Variants in RS1 observed in about 807,000 individuals in gnomAD.
RS1 encodes the protein retinoschisin.
A neutral mutation model predicts 20.8 loss-of-function variants in RS1; 2 were observed. The observed-to-expected ratio is 0.10, with a 90% CI of 0.04 to 0.30. RS1 has a LOEUF of 0.30. Among genes scored for constraint, RS1 ranks in the 10% least tolerant of loss-of-function variants. The pLI, the probability that RS1 is intolerant of heterozygous loss-of-function variation, is 1.00. For missense variants in RS1, 151 were observed against 189.8 expected (o/e 0.80, Z 1.20); for synonymous variants, 70 against 75.8 (o/e 0.92, Z 0.40).
intron 4 of RS1, 22 bp downstream of exon 4, chrX:18,647,169 A>C (rs1422448055): frequency 7.5e-6 from 9 of 1,207,675 alleles, no homozygotes; most frequent in Non-Finnish European, 7.8e-6. Flanking sequence ...CACATGAAAA[A>C]AAATCCCCGG....
At chrX:18,644,952 A>G (rs988967819) in intron 4 of RS1, among the ~76,000 whole-genome samples, 5 of 112,495 alleles carry the variant, frequency 4.4e-5, no homozygotes, top group African/African-American at 9.7e-5. Context: ...ACGCAGGTGC[A>G]TGGCTGTTAG....
At chrX:18,670,153 G>A (rs1365228777) in intron 1 of RS1, among the ~76,000 whole-genome samples, 4 of 110,501 alleles carry the variant, frequency 3.6e-5, no homozygotes, top group Non-Finnish European at 7.6e-5. Flanking sequence ...CGCGGGGGTG[G>A]GGAGGTCACA....
rs1928185321 is a variant in RS1, at chrX:18,654,935, C to T, written c.184+1718G>A. Among the ~76,000 whole-genome samples the T allele has an allele frequency of 4.5e-5, 5 of 112,146 alleles. No homozygotes were observed. In the Admixed American group the frequency reaches 4.7e-4, roughly 11 times the overall value. ...CACACACAGACACACAAACCTGTCT[C>T]TTGTGAAGCTATTATTAGGCAATTG... On this transcript the variant is annotated intron_variant, in intron 3 of 5. Transcript: ENST00000379984.
chrX:18,650,288 G>A (rs1239124541), intron 3 of RS1: 26 of 628,434 alleles, frequency 4.1e-5, no homozygotes, highest in Admixed American at 4.0e-4. Context: ...CGTGGATGCT[G>A]TACTTACTCC....
At chrX:18,671,138 TGA>T (rs1489473859) in intron 1 of RS1, among the ~76,000 whole-genome samples, 1 of 112,015 alleles carries the variant, frequency 8.9e-6, no homozygotes, top group Non-Finnish European at 1.9e-5. Flanking sequence ...TCTACTTGTG[TGA>T]GTTTCGCTGT....
chrX:18,647,064 G>GTGC, intron 4 of RS1, 127 bp downstream of exon 4: 1 of 752,068 alleles, frequency 1.3e-6, no homozygotes, highest in Non-Finnish European at 2.0e-6. Flanking sequence ...TTACAGGCAC[G>GTGC]TGCCACCACG....
chrX:18,654,020 G>C (rs1448981519), intron 3 of RS1, among the ~76,000 whole-genome samples: 1 of 111,062 alleles, frequency 9.0e-6, no homozygotes, highest in Non-Finnish European at 1.9e-5. Context: ...ATAGTGGAGA[G>C]AGGAGAACAC....
At chrX:18,667,473 C>A in intron 1 of RS1, among the ~76,000 whole-genome samples, 2 of 105,533 alleles carry the variant, frequency 1.9e-5, no homozygotes, top group Non-Finnish European at 3.9e-5. Context: ...TGAACCCAGG[C>A]GGGCGGAAGG....
intron 3 of RS1, 164 bp from the exon 4 acceptor site, chrX:18,647,496 C>T: frequency 2.0e-6 from 1 of 501,819 alleles, no homozygotes; most frequent in African/African-American, 2.3e-5. Context: ...TTCAACGGTT[C>T]ACTACTCACG....
intron 3 of RS1, among the ~76,000 whole-genome samples, chrX:18,652,113 C>G (rs1928074433): frequency 9.0e-6 from 1 of 111,249 alleles, no homozygotes; most frequent in Non-Finnish European, 1.9e-5. Context: ...TCCCCATTCT[C>G]CCCCTAGCTG....
intron 2 of RS1, 83 bp downstream of exon 2, chrX:18,657,557 G>A (rs968325578): frequency 3.1e-5 from 23 of 742,284 alleles, no homozygotes; most frequent in Non-Finnish European, 3.4e-5. Context: ...AAAACAAAGT[G>A]ATAGTCCTCT....
intron 3 of RS1, among the ~76,000 whole-genome samples, chrX:18,651,644 C>T (rs993873658): frequency 1.8e-5 from 2 of 111,211 alleles, no homozygotes; most frequent in African/African-American, 3.3e-5. Context: ...CTCGCAAGCT[C>T]GTGGGGGGTT....
In RS1 at chrX:18,640,932, C is replaced by T. The variant is rs1927552582; in HGVS notation, c.*1072G>A. 8.8e-6 allele frequency: 1 copy of T among 113,095 alleles called. No individual in the cohort carries two copies. The highest frequency in any genetic ancestry group is 1.9e-5 in the Non-Finnish European group (1 of 53,356). 9.3% of individuals were successfully genotyped at this position (113,095 alleles called of 1,213,427 possible). A position where few individuals can be genotyped will look rare whatever the true frequency, so the allele number is the denominator to read the frequency against. ...GCCTCCAGGAACGGAAAGCCAGGCC[C>T]ATTCCTTCCCAGAGAGCTTTTCAGG... On this transcript the variant is annotated 3_prime_UTR_variant, in exon 6 of 6. Coordinates refer to ENST00000379984, the MANE Select transcript of RS1 (RefSeq NM_000330.4).
Position 18,657,302 on chromosome X carries a change from C to T in RS1, c.78+338G>A, listed in dbSNP as rs139777265. On this transcript the variant is annotated intron_variant, in intron 2 of 5. Coordinates refer to ENST00000379984, the MANE Select transcript of RS1 (RefSeq NM_000330.4). ...GTGGTGTGATCTCAGCTCACTGCAG[C>T]CTCTGCCTCCTGGGTTCAAGCGATT... 4.5e-3 allele frequency among the ~76,000 whole-genome samples: 446 copies of T among 99,222 alleles called. 1 individual carries two copies. The highest frequency in any genetic ancestry group is 0.015 in the African/African-American group (406 of 26,662). 86.2% of individuals were successfully genotyped at this position (99,222 alleles called of 115,157 possible).
chrX:18,659,792 C>T (rs993651791), intron 1 of RS1, among the ~76,000 whole-genome samples: 1 of 111,473 alleles, frequency 9.0e-6, no homozygotes, highest in Admixed American at 9.6e-5. Flanking sequence ...CAGCCCTTGA[C>T]CCTTTCTCTC....
At chrX:18,655,868 A>T (rs1928202683) in intron 3 of RS1, among the ~76,000 whole-genome samples, 1 of 110,858 alleles carries the variant, frequency 9.0e-6, no homozygotes, top group African/African-American at 3.3e-5. Context: ...TGGCAGTCCC[A>T]GAGTTCAGAT....
In RS1 at chrX:18,641,262, C is replaced by G. The variant is rs952432912; in HGVS notation, c.*742G>C. On this transcript the variant is annotated 3_prime_UTR_variant, in exon 6 of 6. Transcript: ENST00000379984. ...TGTATGATCACCTAAATGGTGACCA[C>G]AGACACGGGGAATTTGCTGGAATGG... 5.3e-5 allele frequency: 6 copies of G among 112,831 alleles called. No individual in the cohort carries two copies. Among genetic ancestry groups the G allele is most frequent in the Non-Finnish European group, 9.3e-5 (5 of 53,779 alleles). 9.3% of individuals were successfully genotyped at this position (112,831 alleles called of 1,213,427 possible). A position where few individuals can be genotyped will look rare whatever the true frequency, so the allele number is the denominator to read the frequency against.
intron 2 of RS1, among the ~76,000 whole-genome samples, chrX:18,657,007 G>A (rs1471609883): frequency 9.1e-6 from 1 of 110,361 alleles, no homozygotes; most frequent in Non-Finnish European, 1.9e-5. Context: ...AGAGGGCACC[G>A]TTCACCCCAT....
At chrX:18,668,618 T>C (rs1928441041) in intron 1 of RS1, among the ~76,000 whole-genome samples, 1 of 113,359 alleles carries the variant, frequency 8.8e-6, no homozygotes, top group Non-Finnish European at 1.9e-5. Context: ...AAATTGCTTC[T>C]GGTGTGAAAG....
Sources: gnomAD v4.1 joint callset for allele counts (sites outside exome capture counted in the v4.1 genomes callset) on GRCh38, gnomAD v4.1.1 for gene constraint, MANE v1.5 for transcripts, NCBI Gene and HGNC (gene_info 2026-07-23, HGNC 2026-07-21) for gene names.